PRKG1: variants seen among roughly 807,000 people sequenced by gnomAD.
PRKG1 encodes cGMP-dependent protein kinase 1.
PRKG1 carries 35 observed loss-of-function variants against 88.1 expected under a neutral mutation model. The ratio of observed to expected loss-of-function variants is 0.40; its 90% CI spans 0.30 to 0.53. The LOEUF is 0.53. Among genes scored for constraint, PRKG1 ranks in the 20% least tolerant of loss-of-function variants. PRKG1 has a pLI of 0.59. For missense variants in PRKG1, 540 were observed against 839.8 expected (o/e 0.64, Z 4.41); for synonymous variants, 303 against 292.5 (o/e 1.04, Z -0.37).
At chr10:51,614,025 T>A (rs911959913) in intron 3 of PRKG1, among the ~76,000 whole-genome samples, 1 of 152,006 alleles carries the variant, frequency 6.6e-6, no homozygotes, top group Non-Finnish European at 1.5e-5. Flanking sequence ...AAAGTCCAGT[T>A]TAAGTCTAAT....
chr10:51,233,750 A>G (rs1838908340), intron 2 of PRKG1, among the ~76,000 whole-genome samples: 1 of 152,186 alleles, frequency 6.6e-6, no homozygotes, highest in African/African-American at 2.4e-5. Flanking sequence ...ATCTTCTTAT[A>G]CCTTTAAGGG....
At chr10:52,183,723 A>G (rs1314727122) in intron 9 of PRKG1, among the ~76,000 whole-genome samples, 1 of 152,184 alleles carries the variant, frequency 6.6e-6, no homozygotes, top group East Asian at 1.9e-4. Context: ...AGATGGTGCC[A>G]TGATGCAACA....
chr10:51,713,401 T>A (rs1361135251), intron 3 of PRKG1, among the ~76,000 whole-genome samples: 1 of 152,240 alleles, frequency 6.6e-6, no homozygotes, highest in Non-Finnish European at 1.5e-5. Context: ...ATTTAGCTAA[T>A]ATATTATTTT....
At chr10:51,884,029 A>C (rs1245588631) in intron 4 of PRKG1, among the ~76,000 whole-genome samples, 1 of 143,014 alleles carries the variant, frequency 7.0e-6, no homozygotes, top group Non-Finnish European at 1.5e-5. Context: ...ATTTTTCAAA[A>C]AAAAAAAAAA....
chr10:52,216,230 A>G (rs1345447378), intron 9 of PRKG1, among the ~76,000 whole-genome samples: 3 of 152,208 alleles, frequency 2.0e-5, no homozygotes, highest in Non-Finnish European at 4.4e-5. Flanking sequence ...TGCCAAGCAC[A>G]GCATGGAAGC....
At chr10:52,014,124 C>T (rs1003787499) in intron 5 of PRKG1, among the ~76,000 whole-genome samples, 2 of 152,052 alleles carry the variant, frequency 1.3e-5, no homozygotes, top group African/African-American at 4.8e-5. Flanking sequence ...GGACTAGTTT[C>T]AAGAAGAAGA....
chr10:51,432,735 G>A (rs373292660), intron 2 of PRKG1, among the ~76,000 whole-genome samples: 1 of 151,798 alleles, frequency 6.6e-6, no homozygotes, highest in African/African-American at 2.4e-5. Flanking sequence ...AATGAGGGTT[G>A]TACCCAGCAA....
rs531652349 is a variant in PRKG1 at position 51,192,034 on chromosome 10, T to G, written c.478+38704T>G. On this transcript the variant is annotated intron_variant, in intron 2 of 17. Coordinates refer to ENST00000373980, the MANE Select transcript of PRKG1 (RefSeq NM_006258.4). Reference sequence around the variant, plus strand: ...ATGTTATTATAAGAATTTCTCCACCTGACTGATGATGCCTGTGGACTAGAG... The same window carrying G: ...ATGTTATTATAAGAATTTCTCCACCGGACTGATGATGCCTGTGGACTAGAG... Among the ~76,000 whole-genome samples, 5 of 151,914 alleles carry G rather than the reference T, an allele frequency of 3.3e-5. No homozygotes were observed. In the East Asian group the frequency reaches 9.7e-4, roughly 29 times the overall value.
chr10:52,237,612 A>T (rs1191233700), intron 9 of PRKG1, among the ~76,000 whole-genome samples: 1 of 142,880 alleles, frequency 7.0e-6, no homozygotes, highest in African/African-American at 2.7e-5. Context: ...CAACTTACAA[A>T]GGATGTGAAG....
intron 2 of PRKG1, among the ~76,000 whole-genome samples, chr10:51,330,105 TTTTA>T (rs142962238): frequency 0.52 from 67,663 of 129,916 alleles, 17,199 homozygotes; most frequent in East Asian, 0.62. Context: ...ACATTTGCTC[TTTTA>T]TTTATTTATT....
chr10:51,018,357 T>G (rs1187404600), intron 1 of PRKG1, among the ~76,000 whole-genome samples: 1 of 152,190 alleles, frequency 6.6e-6, no homozygotes, highest in Admixed American at 6.5e-5. Context: ...TTTGTTCTTC[T>G]GTATGCAATA....
chr10:51,903,755 G>A (rs185447563), intron 4 of PRKG1, among the ~76,000 whole-genome samples: 299 of 152,018 alleles, frequency 2.0e-3, no homozygotes, highest in African/African-American at 7.0e-3. Flanking sequence ...GTTTTGAAAG[G>A]CATTTTTTAG....
chr10:51,083,856 G>C (rs7912628), intron 1 of PRKG1, among the ~76,000 whole-genome samples: 33,586 of 151,988 alleles, frequency 0.22, 3,881 homozygotes, highest in Admixed American at 0.26. Flanking sequence ...TTGTTACAAA[G>C]TCCTCAAGGT....
chr10:51,860,179 T>C (rs1258848041), intron 4 of PRKG1, among the ~76,000 whole-genome samples: 1 of 152,174 alleles, frequency 6.6e-6, no homozygotes, highest in African/African-American at 2.4e-5. Flanking sequence ...CTCTTAATCA[T>C]GAGACTTTTA....
At chr10:51,634,475 G>T (rs754659990) in intron 3 of PRKG1, among the ~76,000 whole-genome samples, 9 of 152,100 alleles carry the variant, frequency 5.9e-5, no homozygotes, top group Non-Finnish European at 1.3e-4. Flanking sequence ...TACATCATCT[G>T]ATCTGAGATT....
At chr10:51,717,551 G>T (rs1257778091) in intron 3 of PRKG1, among the ~76,000 whole-genome samples, 2 of 152,148 alleles carry the variant, frequency 1.3e-5, no homozygotes, top group Non-Finnish European at 2.9e-5. Flanking sequence ...GAAGTAATGG[G>T]CCAGGTACTG....
intron 3 of PRKG1, among the ~76,000 whole-genome samples, chr10:51,802,869 G>A (rs150687288): frequency 1.1e-4 from 16 of 152,208 alleles, no homozygotes; most frequent in East Asian, 1.9e-4. Flanking sequence ...CAATAAATAC[G>A]TGTGCATGTG....
intron 5 of PRKG1, among the ~76,000 whole-genome samples, chr10:52,011,480 T>A (rs1037241187): frequency 6.6e-6 from 1 of 152,178 alleles, no homozygotes; most frequent in Non-Finnish European, 1.5e-5. Context: ...CGCCTCCTTT[T>A]TTTGGTCCTA....
chr10:51,391,069 G>A (rs1229979673), intron 2 of PRKG1, among the ~76,000 whole-genome samples: 1 of 152,214 alleles, frequency 6.6e-6, no homozygotes, highest in Non-Finnish European at 1.5e-5. Flanking sequence ...GAGAGGGGGA[G>A]AGGCTGTCCA....
Sources: allele counts gnomAD v4.1 joint callset (sites outside exome capture counted in the v4.1 genomes callset), GRCh38; gene constraint gnomAD v4.1.1; transcripts MANE v1.5; gene names NCBI Gene and HGNC (gene_info 2026-07-23, HGNC 2026-07-21).